The following TRHDE variants were observed in gnomAD, a reference collection of about 807,000 sequenced individuals.
The protein encoded by TRHDE is thyrotropin releasing hormone degrading enzyme, also known as thyrotropin-releasing hormone-degrading ectoenzyme.
Under a neutral mutation model 125.7 loss-of-function variants are expected in TRHDE, and 72 were observed. The ratio of observed to expected loss-of-function variants is 0.57; its 90% confidence interval spans 0.47 to 0.70. The LOEUF (loss-of-function observed/expected upper bound fraction) is 0.70. Ranked by LOEUF, TRHDE falls within the 30% of genes least tolerant of loss-of-function variation. TRHDE has a pLI of 0.00. For synonymous variants in TRHDE, 509 were observed against 509.1 expected, an observed-to-expected ratio of 1.00 and a Z score of 0.00; for missense variants, 1,110 against 1,327.1, an observed-to-expected ratio of 0.84 and a Z score of 2.54.
chr12:72,268,969 TC>T (rs1879130898), upstream of TRHDE, among the ~76,000 whole-genome samples: 1 of 152,146 alleles, frequency 6.6e-6, no homozygotes, highest in African/African-American at 2.4e-5. Flanking sequence ...AAGTTTAATT[TC>T]CTTGTTTACA....
intron 2 of TRHDE, among the ~76,000 whole-genome samples, chr12:72,184,388 C>T (rs764862612): frequency 2.0e-4 from 30 of 152,138 alleles, no homozygotes; most frequent in Non-Finnish European, 4.1e-4. Context: ...TGACCCTCCC[C>T]TCCCCGCTTC....
intron 2 of TRHDE, among the ~76,000 whole-genome samples, chr12:72,165,914 A>C (rs927269019): frequency 6.6e-6 from 1 of 152,030 alleles, no homozygotes; most frequent in Non-Finnish European, 1.5e-5. Flanking sequence ...TGACCTCATG[A>C]TCTGCCCGCC....
chr12:72,518,323 G>A (rs934606038), intron 6 of TRHDE, among the ~76,000 whole-genome samples: 13 of 147,090 alleles, frequency 8.8e-5, no homozygotes, highest in African/African-American at 2.6e-5. Flanking sequence ...ATGAATCTGG[G>A]TGCTCCTGTA....
intron 2 of TRHDE, among the ~76,000 whole-genome samples, chr12:72,206,573 A>T (rs569670988): frequency 2.6e-5 from 4 of 152,230 alleles, no homozygotes; most frequent in East Asian, 1.9e-4. Context: ...CCTGTTGGTT[A>T]TATATCTGTC....
chr12:72,215,098 AAG>A (rs1200356826), intron 2 of TRHDE, among the ~76,000 whole-genome samples: 2 of 152,126 alleles, frequency 1.3e-5, no homozygotes, highest in African/African-American at 4.8e-5. Flanking sequence ...TGAGTCCAAA[AAG>A]AGAGTCAGCG....
At chr12:72,248,342 C>A (rs542649064) in intron 2 of TRHDE, among the ~76,000 whole-genome samples, 1 of 132,494 alleles carries the variant, frequency 7.5e-6, no homozygotes, top group Non-Finnish European at 1.6e-5. Context: ...TGCTTCAACT[C>A]GGGAGGCGGA....
chr12:72,357,138 C>T (rs1260017330), intron 2 of TRHDE, among the ~76,000 whole-genome samples: 1 of 151,426 alleles, frequency 6.6e-6, no homozygotes, highest in Non-Finnish European at 1.5e-5. Context: ...CAATTCTATT[C>T]CTATCAAACT....
At chr12:72,449,098 G>C (rs1875445145) in intron 3 of TRHDE, among the ~76,000 whole-genome samples, 1 of 151,926 alleles carries the variant, frequency 6.6e-6, no homozygotes, top group Non-Finnish European at 1.5e-5. Context: ...TTCCTCTAAG[G>C]TTTAAGGGGT....
chr12:72,459,266 A>C (rs1357786081), intron 3 of TRHDE, among the ~76,000 whole-genome samples: 2 of 152,252 alleles, frequency 1.3e-5, no homozygotes, highest in Admixed American at 1.3e-4. Flanking sequence ...TATTCTTCCC[A>C]TCTTAATTTC....
chr12:72,403,576 A>T (rs1185171221), intron 3 of TRHDE, among the ~76,000 whole-genome samples: 1 of 152,208 alleles, frequency 6.6e-6, no homozygotes, highest in African/African-American at 2.4e-5. Context: ...ATCCCAAGTT[A>T]GACTTACTCT....
chr12:72,555,833 A>G (rs1869895452), intron 7 of TRHDE, among the ~76,000 whole-genome samples: 1 of 152,126 alleles, frequency 6.6e-6, no homozygotes, highest in Admixed American at 6.6e-5. Context: ...TTGTTTATGG[A>G]TCCCTTTAAG....
intron 2 of TRHDE, among the ~76,000 whole-genome samples, chr12:72,173,402 C>A (rs1876918991): frequency 1.3e-5 from 2 of 152,152 alleles, no homozygotes; most frequent in Admixed American, 1.3e-4. Flanking sequence ...AGAAATGGCA[C>A]AATTTCCCAT....
chr12:72,464,393 G>A (rs1876269748), intron 3 of TRHDE, among the ~76,000 whole-genome samples: 1 of 152,168 alleles, frequency 6.6e-6, no homozygotes, highest in Non-Finnish European at 1.5e-5. Context: ...TTGATGTCTG[G>A]TAGGGTCTGC....
chr12:72,091,835 A>G (rs920388186), intron 1 of TRHDE, among the ~76,000 whole-genome samples: 6 of 152,326 alleles, frequency 3.9e-5, no homozygotes, highest in Non-Finnish European at 5.9e-5. Flanking sequence ...CCTATGATCA[A>G]TTAAGCAGCT....
intron 3 of TRHDE, among the ~76,000 whole-genome samples, chr12:72,441,253 C>T (rs1323206604): frequency 6.6e-6 from 1 of 151,816 alleles, no homozygotes; most frequent in Non-Finnish European, 1.5e-5. Flanking sequence ...TTGCCTTCCT[C>T]TCATATAATG....
At chr12:72,401,038 T>C (rs1158663336) in intron 3 of TRHDE, among the ~76,000 whole-genome samples, 1 of 152,174 alleles carries the variant, frequency 6.6e-6, no homozygotes, top group African/African-American at 2.4e-5. Context: ...CCTTTTTTTC[T>C]ATGCTTAACT....
intron 12 of TRHDE, among the ~76,000 whole-genome samples, chr12:72,614,320 A>ACATG: frequency 3.2e-5 from 1 of 31,604 alleles, no homozygotes; most frequent in African/African-American, 9.1e-5. Flanking sequence ...ATGTATATAT[A>ACATG]TATATATATA....
intron 2 of TRHDE, among the ~76,000 whole-genome samples, chr12:72,169,549 T>G (rs1387388830): frequency 6.6e-6 from 1 of 152,084 alleles, no homozygotes; most frequent in Non-Finnish European, 1.5e-5. Flanking sequence ...TGTCTCTTCC[T>G]CTTCTTATAA....
At chr12:72,577,077 A>G (rs1262317498) in intron 12 of TRHDE, among the ~76,000 whole-genome samples, 2 of 152,140 alleles carry the variant, frequency 1.3e-5, no homozygotes, top group African/African-American at 4.8e-5. Flanking sequence ...AGTTTTATGT[A>G]CGAAAGAAAG....
Sources: gnomAD v4.1 joint callset for allele counts (sites outside exome capture counted in the v4.1 genomes callset) on GRCh38, gnomAD v4.1.1 for gene constraint, MANE v1.5 for transcripts, NCBI Gene and HGNC (gene_info 2026-07-23, HGNC 2026-07-21) for gene names.